Variants in NCKAP5 observed in about 807,000 individuals in gnomAD.
NCKAP5 encodes nck-associated protein 5.
NCKAP5 carries 92 observed loss-of-function variants against 167.0 expected under a neutral mutation model. The observed-to-expected ratio is 0.55, with a 90% CI of 0.47 to 0.66. NCKAP5 has a LOEUF of 0.66. Ranked by LOEUF, NCKAP5 falls within the 30% of genes least tolerant of loss-of-function variation. The probability of loss-of-function intolerance (pLI) is 0.00; values close to 1 mark genes in which losing one functional copy is unlikely to be tolerated. For synonymous variants in NCKAP5, 891 were observed against 877.4 expected, an observed-to-expected ratio of 1.02 and a Z score of -0.27; for missense variants, 2,378 against 2,315.0, an observed-to-expected ratio of 1.03 and a Z score of -0.56.
chr2:133,518,368 T>TTTTTTTTTG (rs1684193080), intron 2 of NCKAP5, among the ~76,000 whole-genome samples: 1 of 132,492 alleles, frequency 7.5e-6, no homozygotes, highest in Non-Finnish European at 1.6e-5. Context: ...TTTTTTTTTT[T>TTTTTTTTTG]TTTTGGGATG....
chr2:133,221,550 A>C (rs1435379754), intron 4 of NCKAP5, among the ~76,000 whole-genome samples: 1 of 152,236 alleles, frequency 6.6e-6, no homozygotes, highest in Non-Finnish European at 1.5e-5. Flanking sequence ...ATACAGTTCC[A>C]AATTCAAAGA....
At position 132,698,132 on chromosome 2, in the gene NCKAP5, A is replaced by G. The variant is rs116828740; in HGVS notation, c.5714-24827T>C. Among the ~76,000 whole-genome samples the G allele has an allele frequency of 1.4e-3, 219 of 152,336 alleles. 2 individuals are homozygous for G. Among genetic ancestry groups the G allele is most frequent in the African/African-American group, 4.4e-3 (181 of 41,576 alleles). ...TTGACAATAAATTCCAAAGGACAAA[A>G]CAGCTTCCAACCATAATTCAGTAGT... On this transcript the variant is annotated intron_variant, in intron 19 of 19. Transcript: ENST00000409261.
At chr2:132,902,223 C>T (rs748421330) in intron 8 of NCKAP5, among the ~76,000 whole-genome samples, 2 of 152,152 alleles carry the variant, frequency 1.3e-5, no homozygotes, top group Non-Finnish European at 2.9e-5. Flanking sequence ...AGAACAATCA[C>T]AGCATAGTTA....
At chr2:133,668,463 C>T in the NCKAP5 span, among the ~76,000 whole-genome samples, 5 of 152,018 alleles carry the variant, frequency 3.3e-5, no homozygotes, top group African/African-American at 7.3e-5. Flanking sequence ...TATTGTCCAT[C>T]TTTTTTATCA....
At chr2:132,877,465 G>T (rs542309753) in intron 9 of NCKAP5, among the ~76,000 whole-genome samples, 5 of 152,120 alleles carry the variant, frequency 3.3e-5, no homozygotes, top group Admixed American at 1.3e-4. Context: ...CAGCATCATC[G>T]GGAGGGCTTG....
At chr2:133,424,741 G>T (rs1335508518) in intron 3 of NCKAP5, among the ~76,000 whole-genome samples, 3 of 152,130 alleles carry the variant, frequency 2.0e-5, no homozygotes, top group East Asian at 1.9e-4. Context: ...GAACCTGGTT[G>T]CCCTAAATCT....
intron 7 of NCKAP5, among the ~76,000 whole-genome samples, chr2:132,982,077 G>A (rs1184999633): frequency 1.3e-5 from 2 of 152,208 alleles, no homozygotes; most frequent in African/African-American, 2.4e-5. Flanking sequence ...TAGAAGTACA[G>A]TAAGGTGAGG....
At chr2:132,705,342 C>T (rs963673894) in intron 19 of NCKAP5, among the ~76,000 whole-genome samples, 8 of 152,094 alleles carry the variant, frequency 5.3e-5, no homozygotes, top group Non-Finnish European at 1.2e-4. Flanking sequence ...TTTATATATA[C>T]TTACCATCTC....
intron 11 of NCKAP5, among the ~76,000 whole-genome samples, chr2:132,798,735 C>A (rs1321504744): frequency 6.6e-6 from 1 of 152,140 alleles, no homozygotes; most frequent in Non-Finnish European, 1.5e-5. Flanking sequence ...AGGAGAGGTC[C>A]TGGGGCAAGG....
intron 8 of NCKAP5, among the ~76,000 whole-genome samples, chr2:132,891,276 C>G (rs145052263): frequency 2.0e-5 from 3 of 152,132 alleles, no homozygotes; most frequent in Non-Finnish European, 4.4e-5. Context: ...CATTTGGATT[C>G]AGGGCACCTA....
At chr2:132,950,883 C>CA (rs2076166471) in intron 8 of NCKAP5, among the ~76,000 whole-genome samples, 2 of 149,510 alleles carry the variant, frequency 1.3e-5, no homozygotes, top group East Asian at 2.0e-4. Context: ...ACCTAAGAAG[C>CA]AAAAAACAAA....
intron 3 of NCKAP5, among the ~76,000 whole-genome samples, chr2:133,383,228 A>G (rs1686658335): frequency 6.6e-6 from 1 of 151,958 alleles, no homozygotes; most frequent in African/African-American, 2.4e-5. Context: ...CCTTCACCCC[A>G]CAACAGGCCC....
chr2:133,213,685 G>T, intron 5 of NCKAP5, 31 bp downstream of exon 5: 1 of 1,610,464 alleles, frequency 6.2e-7, no homozygotes, highest in Non-Finnish European at 8.5e-7. Flanking sequence ...TCTGGATGTT[G>T]TGGAATGAGG....
At position 132,963,727 on chromosome 2, in the gene NCKAP5, G is replaced by T. The variant is rs1229678821; in HGVS notation, c.572C>A (p.Ala191Asp). 6.2e-7 allele frequency: 1 copy of T among 1,613,656 alleles called. No individual in the cohort carries two copies. The highest frequency in any genetic ancestry group is 8.5e-7 in the Non-Finnish European group (1 of 1,179,842). The change falls in exon 8 of 20, where the codon GCT becomes GAT. Residue 191 changes from alanine (A) to aspartate (D), a missense_variant. Ala to Asp is a moderately radical substitution (Grantham distance 126). Coordinates refer to ENST00000409261, the MANE Select transcript of NCKAP5 (RefSeq NM_207363.3). Reference sequence around the variant, plus strand: ...AATTGCTTCATTTCTTACCTCTAGAGCTTTCAATCTCTCTAATAGCAATTT... The same window carrying T: ...AATTGCTTCATTTCTTACCTCTAGATCTTTCAATCTCTCTAATAGCAATTT... ...KTKLLLERLK[A>D]LEAENSALAL... is the part of the protein sequence containing the mutation.
intron 3 of NCKAP5, among the ~76,000 whole-genome samples, chr2:133,440,646 C>A (rs2151161029): frequency 7.7e-6 from 1 of 129,526 alleles, no homozygotes; most frequent in South Asian, 2.6e-4. Context: ...GGAGGCGGAG[C>A]TTGCAGTGAG....
chr2:132,966,760 A>T (rs2076681818), intron 7 of NCKAP5, among the ~76,000 whole-genome samples: 1 of 152,202 alleles, frequency 6.6e-6, no homozygotes, highest in Non-Finnish European at 1.5e-5. Flanking sequence ...TCCTGAAGGA[A>T]GCTTATCCGA....
intron 19 of NCKAP5, among the ~76,000 whole-genome samples, chr2:132,707,187 A>G (rs1006315363): frequency 1.3e-5 from 2 of 152,228 alleles, no homozygotes; most frequent in African/African-American, 4.8e-5. Context: ...CGTTGTGTGG[A>G]GAATCCACAC....
At chr2:133,197,689 G>C (rs867797528) in intron 5 of NCKAP5, among the ~76,000 whole-genome samples, 3 of 152,146 alleles carry the variant, frequency 2.0e-5, no homozygotes, top group Non-Finnish European at 1.5e-5. Flanking sequence ...GATGGCTCAT[G>C]CCTGTAATCC....
chr2:132,992,726 A>T (rs887649836), intron 7 of NCKAP5, among the ~76,000 whole-genome samples: 4 of 152,190 alleles, frequency 2.6e-5, no homozygotes, highest in African/African-American at 9.6e-5. Context: ...AACGCTGAGC[A>T]TGCATTCCCT....
Sources: gnomAD v4.1 joint callset for allele counts (sites outside exome capture counted in the v4.1 genomes callset) on GRCh38, gnomAD v4.1.1 for gene constraint, MANE v1.5 for transcripts, NCBI Gene and HGNC (gene_info 2026-07-23, HGNC 2026-07-21) for gene names.